Variants in CSGALNACT1 observed in about 807,000 individuals in gnomAD.
The protein encoded by CSGALNACT1 is chondroitin sulfate N-acetylgalactosaminyltransferase 1, also known as beta4GalNAcT-1.
CSGALNACT1 carries 52 observed loss-of-function variants against 51.0 expected under a neutral mutation model. The observed-to-expected ratio is 1.02, with a 90% CI of 0.82 to 1.29. CSGALNACT1 has a LOEUF of 1.29. CSGALNACT1 is among the 50% of genes most tolerant of loss of function. CSGALNACT1 has a pLI of 0.00. For synonymous variants in CSGALNACT1, 341 were observed against 254.4 expected, an observed-to-expected ratio of 1.34 and a Z score of -3.24; for missense variants, 935 against 679.2, an observed-to-expected ratio of 1.38 and a Z score of -4.19.
chr8:19,616,031 G>C (rs1229621296), intron 1 of CSGALNACT1, among the ~76,000 whole-genome samples: 1 of 152,100 alleles, frequency 6.6e-6, no homozygotes. Context: ...CCAAGACACT[G>C]TGGATATACA....
At chr8:19,597,336 C>T (rs1403147903) in intron 2 of CSGALNACT1, among the ~76,000 whole-genome samples, 3 of 115,124 alleles carry the variant, frequency 2.6e-5, no homozygotes, top group Non-Finnish European at 3.2e-5. Flanking sequence ...TGCTGTGTCA[C>T]CCAAGCTAGA....
intron 4 of CSGALNACT1, among the ~76,000 whole-genome samples, chr8:19,463,939 C>A (rs1365120358): frequency 6.6e-6 from 1 of 152,180 alleles, no homozygotes; most frequent in Non-Finnish European, 1.5e-5. Context: ...AGGCCAGGAG[C>A]TAACCAGGTG....
intron 3 of CSGALNACT1, among the ~76,000 whole-genome samples, chr8:19,561,113 T>G (rs1442965217): frequency 6.6e-6 from 1 of 152,148 alleles, no homozygotes. Flanking sequence ...AGTGGTGAGA[T>G]TTTTTTAAAG....
intron 2 of CSGALNACT1, among the ~76,000 whole-genome samples, chr8:19,595,435 A>G (rs1260517992): frequency 2.6e-5 from 4 of 152,246 alleles, no homozygotes; most frequent in African/African-American, 9.6e-5. Flanking sequence ...TTCAGAACAT[A>G]CAACTCTTTA....
At chr8:19,418,786 C>A (rs762678424) in intron 7 of CSGALNACT1, 36 bp from the exon 7 acceptor site, 19 of 1,407,708 alleles carry the variant, frequency 1.3e-5, no homozygotes, top group Non-Finnish European at 1.6e-5. Context: ...CTTAAAGTGA[C>A]AGATCCAAGT....
intron 3 of CSGALNACT1, among the ~76,000 whole-genome samples, chr8:19,550,189 T>C (rs576895834): frequency 2.3e-4 from 35 of 152,294 alleles, no homozygotes; most frequent in African/African-American, 7.7e-4. Flanking sequence ...TCTTGTTGTG[T>C]TGCCCAGGCT....
intron 1 of CSGALNACT1, among the ~76,000 whole-genome samples, chr8:19,667,007 GAA>G (rs1312237922): frequency 1.3e-4 from 4 of 31,716 alleles, no homozygotes; most frequent in Admixed American, 1.0e-3. Context: ...AAGAAAGAAA[GAA>G]AGAAAGAAAG....
chr8:19,494,622 C>A lies in CSGALNACT1; in HGVS notation c.634+10579G>T, dbSNP rs17479581. On this transcript the variant is annotated intron_variant, in intron 4 of 9. Coordinates refer to ENST00000454498, the Ensembl canonical transcript of CSGALNACT1. ...CCAAGTCTTTAACAATCTCGAAGCA[C>A]AAATCTCATTCTGTCCCATTACACA... Among the ~76,000 whole-genome samples, 77 of 152,192 alleles carry A rather than the reference C, an allele frequency of 5.1e-4. 2 individuals are homozygous for A. In the South Asian group the frequency reaches 1.0e-2, roughly 20 times the overall value.
chr8:19,599,482 AAG>A (rs59926817), intron 2 of CSGALNACT1, among the ~76,000 whole-genome samples: 815 of 78,948 alleles, frequency 0.01, 4 homozygotes, highest in African/African-American at 0.029. Context: ...AAAAGAAAGA[AAG>A]AAAGAAAGAA....
intron 3 of CSGALNACT1, among the ~76,000 whole-genome samples, chr8:19,566,208 C>G (rs2041870710): frequency 6.6e-6 from 1 of 152,148 alleles, no homozygotes; most frequent in Non-Finnish European, 1.5e-5. Context: ...CACATGTATT[C>G]TTGTAAGAGA....
intron 1 of CSGALNACT1, chr8:19,688,856 T>G (rs2061127591): frequency 6.6e-6 from 1 of 152,328 alleles, no homozygotes; most frequent in East Asian, 1.9e-4. Flanking sequence ...CTCCTCCACA[T>G]GCACCATGGT....
At chr8:19,456,971 C>A (rs777725021) in intron 5 of CSGALNACT1, among the ~76,000 whole-genome samples, 12 of 152,082 alleles carry the variant, frequency 7.9e-5, no homozygotes, top group Non-Finnish European at 1.5e-4. Context: ...TTAGACCCAC[C>A]AGGCAGAAAA....
chr8:19,603,654 A>G (rs2050910685), upstream of CSGALNACT1, among the ~76,000 whole-genome samples: 1 of 152,208 alleles, frequency 6.6e-6, no homozygotes, highest in Non-Finnish European at 1.5e-5. Context: ...CTTCCAATCC[A>G]TCTCACATTC....
intron 1 of CSGALNACT1, among the ~76,000 whole-genome samples, chr8:19,643,507 G>A (rs576417641): frequency 1.3e-5 from 2 of 152,076 alleles, no homozygotes; most frequent in East Asian, 3.9e-4. Context: ...GTGTGATAGT[G>A]TGCACCTGTA....
At chr8:19,608,976 T>C (rs1218274850) in intron 1 of CSGALNACT1, among the ~76,000 whole-genome samples, 1 of 152,180 alleles carries the variant, frequency 6.6e-6, no homozygotes, top group Non-Finnish European at 1.5e-5. Context: ...TGCAAATGTA[T>C]TACTTTTTCT....
chr8:19,604,657 C>T (rs2154147499), upstream of CSGALNACT1, among the ~76,000 whole-genome samples: 1 of 151,492 alleles, frequency 6.6e-6, no homozygotes, highest in East Asian at 2.0e-4. Flanking sequence ...CGTGTAATCC[C>T]AGCACTTTGG....
chr8:19,648,549 T>C (rs980663029), intron 1 of CSGALNACT1, among the ~76,000 whole-genome samples: 2 of 152,246 alleles, frequency 1.3e-5, no homozygotes, highest in Non-Finnish European at 2.9e-5. Context: ...GGCTGATACC[T>C]GTCATCCCAG....
At chr8:19,680,178 G>C (rs1402930141) in intron 1 of CSGALNACT1, among the ~76,000 whole-genome samples, 1 of 151,944 alleles carries the variant, frequency 6.6e-6, no homozygotes, top group Non-Finnish European at 1.5e-5. Flanking sequence ...TGCATCCATG[G>C]GCTCCTCTGC....
chr8:19,638,246 G>A (rs2056338753), intron 1 of CSGALNACT1, among the ~76,000 whole-genome samples: 1 of 149,436 alleles, frequency 6.7e-6, no homozygotes, highest in African/African-American at 2.5e-5. Flanking sequence ...TCCTGAGAGA[G>A]GTTGGGCTTG....
Sources: allele counts gnomAD v4.1 joint callset (sites outside exome capture counted in the v4.1 genomes callset), GRCh38; gene constraint gnomAD v4.1.1; transcripts MANE v1.5; gene names NCBI Gene and HGNC (gene_info 2026-07-23, HGNC 2026-07-21).